MACROD2: variants seen among roughly 807,000 people sequenced by gnomAD.
MACROD2 encodes the protein ADP-ribose glycohydrolase MACROD2.
In MACROD2, 36 loss-of-function variants were observed where a neutral mutation model predicts 70.4. The ratio of observed to expected loss-of-function variants is 0.51; its 90% CI spans 0.39 to 0.68. The LOEUF is 0.68. Among genes scored for constraint, MACROD2 ranks in the 30% least tolerant of loss-of-function variants. The pLI is 0.00. For missense variants in MACROD2, 496 were observed against 538.4 expected (o/e 0.92, Z 0.78); for synonymous variants, 172 against 178.8 (o/e 0.96, Z 0.30).
At chr20:15,925,676 C>T (rs1349306694) in intron 10 of MACROD2, among the ~76,000 whole-genome samples, 2 of 152,166 alleles carry the variant, frequency 1.3e-5, no homozygotes, top group African/African-American at 2.4e-5. Context: ...CTTACCATTA[C>T]ACAACACATA....
At chr20:15,300,926 C>G (rs536431329) in intron 6 of MACROD2, among the ~76,000 whole-genome samples, 1 of 152,162 alleles carries the variant, frequency 6.6e-6, no homozygotes, top group Admixed American at 6.5e-5. Flanking sequence ...TTGATTTCCC[C>G]CGTCTCAGCT....
In MACROD2 at chr20:15,946,922, A is replaced by G. The variant is rs564546822; in HGVS notation, c.907+9378A>G. ...GATAGTGGGGAGAAGGTCAGCAAGA[A>G]AACACGTGAGCAAAGAAATCTGTGT... On this transcript the variant is annotated intron_variant, in intron 12 of 17. Coordinates refer to ENST00000684519, the MANE Select transcript of MACROD2 (RefSeq NM_001351661.2). Among the ~76,000 whole-genome samples, 6 of 152,298 alleles carry G rather than the reference A, an allele frequency of 3.9e-5. No homozygotes were observed. In the South Asian group the frequency reaches 1.2e-3, roughly 32 times the overall value.
intron 5 of MACROD2, among the ~76,000 whole-genome samples, chr20:15,016,967 G>T (rs1047744629): frequency 2.0e-5 from 3 of 152,028 alleles, no homozygotes; most frequent in African/African-American, 7.2e-5. Context: ...TTCTGGTGGG[G>T]TCACAGCCAA....
At chr20:15,099,247 C>T (rs1308317148) in intron 5 of MACROD2, among the ~76,000 whole-genome samples, 1 of 152,046 alleles carries the variant, frequency 6.6e-6, no homozygotes, top group Non-Finnish European at 1.5e-5. Context: ...ATATTGAAGC[C>T]CTAACCACTA....
chr20:14,274,856 GACAA>G (rs1251282339), intron 3 of MACROD2, among the ~76,000 whole-genome samples: 1 of 150,518 alleles, frequency 6.6e-6, no homozygotes, highest in East Asian at 1.9e-4. Context: ...ACCAATAACA[GACAA>G]ACAGAGAGCC....
At chr20:14,303,829 C>G (rs375855648) in intron 3 of MACROD2, among the ~76,000 whole-genome samples, 8 of 152,170 alleles carry the variant, frequency 5.3e-5, no homozygotes, top group African/African-American at 1.4e-4. Context: ...TAGAGTCATA[C>G]AGTGGCTTAT....
chr20:14,423,386 G>T (rs1412681243), intron 3 of MACROD2, among the ~76,000 whole-genome samples: 1 of 151,590 alleles, frequency 6.6e-6, no homozygotes, highest in Admixed American at 6.6e-5. Context: ...GGGGATGGGG[G>T]CAGGCGGTGG....
intron 8 of MACROD2, among the ~76,000 whole-genome samples, chr20:15,795,395 G>T (rs1447239910): frequency 6.6e-6 from 1 of 152,084 alleles, no homozygotes; most frequent in South Asian, 2.1e-4. Flanking sequence ...ATCAAGAAAG[G>T]CATCAAAGAG....
chr20:15,827,405 G>A (rs923421709), intron 8 of MACROD2, among the ~76,000 whole-genome samples: 4 of 152,008 alleles, frequency 2.6e-5, no homozygotes, highest in African/African-American at 9.7e-5. Context: ...AAAATATTCT[G>A]TACAAGTCTA....
intron 15 of MACROD2, among the ~76,000 whole-genome samples, chr20:16,007,055 TATGACATGG>T (rs1301232688): frequency 6.6e-6 from 1 of 152,044 alleles, no homozygotes; most frequent in African/African-American, 2.4e-5. Context: ...TGAGCCGTGG[TATGACATGG>T]AATTGGCTTG....
chr20:14,276,380 A>C (rs1207634058), intron 3 of MACROD2, among the ~76,000 whole-genome samples: 1 of 148,718 alleles, frequency 6.7e-6, no homozygotes, highest in East Asian at 2.0e-4. Flanking sequence ...TGCAAGGACA[A>C]AAAACCAAAC....
At chr20:15,096,954 G>C (rs569399055) in intron 5 of MACROD2, among the ~76,000 whole-genome samples, 1 of 151,718 alleles carries the variant, frequency 6.6e-6, no homozygotes, top group African/African-American at 2.4e-5. Flanking sequence ...GGGAATTACA[G>C]GTGCTCGCCA....
chr20:14,357,235 T>G (rs1412693571), intron 3 of MACROD2, among the ~76,000 whole-genome samples: 1 of 152,222 alleles, frequency 6.6e-6, no homozygotes, highest in Non-Finnish European at 1.5e-5. Flanking sequence ...ACCTTTTAGA[T>G]AACATAATAT....
intron 4 of MACROD2, among the ~76,000 whole-genome samples, chr20:14,600,736 G>A (rs1195164039): frequency 6.6e-6 from 1 of 152,182 alleles, no homozygotes; most frequent in Non-Finnish European, 1.5e-5. Flanking sequence ...CTCACACTGA[G>A]TAAACATCTG....
At chr20:14,421,783 T>G (rs2122896073) in intron 3 of MACROD2, among the ~76,000 whole-genome samples, 1 of 152,304 alleles carries the variant, frequency 6.6e-6, no homozygotes, top group African/African-American at 2.4e-5. Flanking sequence ...ATTTCAATCT[T>G]TTAAAATTTA....
chr20:15,103,866 G>A (rs1220607758), intron 5 of MACROD2, among the ~76,000 whole-genome samples: 3 of 152,114 alleles, frequency 2.0e-5, no homozygotes, highest in African/African-American at 7.2e-5. Context: ...AAGAGCAAAT[G>A]TGCTAGTGCA....
intron 3 of MACROD2, among the ~76,000 whole-genome samples, chr20:14,389,622 A>G (rs983654894): frequency 1.3e-5 from 2 of 152,188 alleles, no homozygotes; most frequent in African/African-American, 2.4e-5. Flanking sequence ...GGAGCTGGCT[A>G]TGAAATTATG....
chr20:14,134,254 C>T (rs1330726504), intron 3 of MACROD2, among the ~76,000 whole-genome samples: 4 of 152,158 alleles, frequency 2.6e-5, no homozygotes, highest in Admixed American at 1.3e-4. Context: ...TATCGGGCCA[C>T]GGTCTGCTTC....
intron 3 of MACROD2, among the ~76,000 whole-genome samples, chr20:14,259,230 C>A (rs2082083201): frequency 6.6e-6 from 1 of 152,148 alleles, no homozygotes; most frequent in Admixed American, 6.5e-5. Context: ...CAAAAGATTT[C>A]TTTAATGTCA....
Sources: gnomAD v4.1 joint callset for allele counts (sites outside exome capture counted in the v4.1 genomes callset) on GRCh38, gnomAD v4.1.1 for gene constraint, MANE v1.5 for transcripts, NCBI Gene and HGNC (gene_info 2026-07-23, HGNC 2026-07-21) for gene names.